The following HMGXB3 variants were observed in gnomAD, a reference collection of about 807,000 sequenced individuals.
HMGXB3 encodes HMG domain-containing protein 3.
Under a neutral mutation model 121.5 loss-of-function variants are expected in HMGXB3, and 45 were observed. That is an observed-to-expected ratio of 0.37 (90% CI 0.29 to 0.47). HMGXB3 has a LOEUF of 0.47. HMGXB3 is among the 20% of genes least tolerant of loss of function. HMGXB3 has a pLI of 0.99. For missense variants in HMGXB3, 1,376 were observed against 1,602.2 expected (o/e 0.86, Z 2.41); for synonymous variants, 590 against 624.1 (o/e 0.95, Z 0.81).
At chr5:150,050,574 C>T in intron 19 of HMGXB3, 113 bp downstream of exon 19, 1 of 761,174 alleles carries the variant, frequency 1.3e-6, no homozygotes, top group Non-Finnish European at 2.1e-6. Flanking sequence ...CTCTGCCTCC[C>T]AGGTTCAAGC....
At chr5:150,011,603 GGT>G in intron 4 of HMGXB3, among the ~76,000 whole-genome samples, 1 of 143,208 alleles carries the variant, frequency 7.0e-6, no homozygotes, top group African/African-American at 2.8e-5. Context: ...GTTTTTTTTT[GGT>G]TTTTTTTTTT....
intron 4 of HMGXB3, among the ~76,000 whole-genome samples, chr5:150,011,899 G>T (rs562632083): frequency 6.6e-6 from 1 of 152,008 alleles, no homozygotes; most frequent in Non-Finnish European, 1.5e-5. Flanking sequence ...GGCGTGAGCC[G>T]CCGTGCCCGG....
intron 1 of HMGXB3, among the ~76,000 whole-genome samples, chr5:150,004,591 G>T (rs144675179): frequency 6.6e-6 from 1 of 152,140 alleles, no homozygotes; most frequent in African/African-American, 2.4e-5. Flanking sequence ...AAACTTGCCC[G>T]GTCTGAGGAA....
intron 5 of HMGXB3, among the ~76,000 whole-genome samples, chr5:150,013,723 A>T (rs566250380): frequency 6.6e-6 from 1 of 152,314 alleles, no homozygotes; most frequent in East Asian, 1.9e-4. Flanking sequence ...TCTTTGAGTG[A>T]GCATTTGGTA....
Position 150,018,687 on chromosome 5 carries a change from G to T in HMGXB3, c.1031G>T (p.Trp344Leu). Residue 344 changes from tryptophan to leucine, a missense_variant, in exon 6 of 20, where the codon TGG becomes TTG. By Grantham distance (61) the Trp-to-Leu change is moderately conservative. Around this residue, in one of 2 missense-constraint regions of HMGXB3, gnomAD observed 1,116 missense variants for 1,369.0 expected, o/e 0.82. Coordinates refer to ENST00000502717, the MANE Select transcript of HMGXB3 (RefSeq NM_014983.3). ...PTCGNFLGGKWIPKEKPAKVK... is the reference protein window; with the variant it reads ...PTCGNFLGGKLIPKEKPAKVK... ...TGTGGTAACTTCCTAGGAGGGAAGT[G>T]GATCCCAAAGGTAAGGTCCATTGGC... 6.5e-7 allele frequency: 1 copy of T among 1,550,038 alleles called. No individual in the cohort carries two copies. Among genetic ancestry groups the T allele is most frequent in the South Asian group, 1.2e-5 (1 of 83,630 alleles).
At chr5:150,039,026 A>G (rs985507804) in intron 13 of HMGXB3, among the ~76,000 whole-genome samples, 2 of 152,228 alleles carry the variant, frequency 1.3e-5, no homozygotes, top group Admixed American at 1.3e-4. Flanking sequence ...TGCATTACCA[A>G]AGTGGCTGTA....
At position 150,051,764 on chromosome 5, in the gene HMGXB3, G is replaced by T; in HGVS notation, c.3451G>T (p.Val1151Leu). Residue 1151 changes from valine (V) to leucine (L), a missense_variant, in exon 20 of 20, where the codon GTG becomes TTG. Transcript: ENST00000502717. ...AGAGCTCTTGGACCAGCATTATACT[G>T]TGGACATGACAGAAACTGAGCACTC... ...CPELLDQHYT[V>L]DMTETEHSIQ... 1 of 1,542,110 alleles carries T rather than the reference G, an allele frequency of 6.5e-7. No homozygotes were observed.
At chr5:150,029,801 A>G (rs978512742) in intron 9 of HMGXB3, among the ~76,000 whole-genome samples, 5 of 152,232 alleles carry the variant, frequency 3.3e-5, no homozygotes, top group East Asian at 1.9e-4. Context: ...AGGAATATCA[A>G]CTGGCTTTTA....
At chr5:150,012,402 T>A in intron 5 of HMGXB3, 49 bp downstream of exon 5, 4 of 1,237,912 alleles carry the variant, frequency 3.2e-6, no homozygotes, top group Non-Finnish European at 3.5e-6. Context: ...GTCATAAGCA[T>A]TTTTTTTCTA....
In HMGXB3 at chr5:150,052,075, C is replaced by T. The variant is rs538539100; in HGVS notation, c.3762C>T (p.Ser1254=). The T allele has an allele frequency of 6.4e-7, 1 of 1,551,924 alleles. No individual in the cohort carries two copies. Among genetic ancestry groups the T allele is most frequent in the South Asian group, 1.2e-5 (1 of 84,064 alleles). Residue 1254 remains serine, a synonymous_variant, in exon 20 of 20, where the codon AGC becomes AGT. Coordinates refer to ENST00000502717, the MANE Select transcript of HMGXB3 (RefSeq NM_014983.3). ...GTCAGATCCATGACATTGTACAGAG[C>T]TGCCAGCCTGGTGAGGTGGTCATTC... ...VNRQIHDIVQ[S]CQPGEVVIRD... is the part of the protein sequence containing the mutation.
chr5:150,021,848 G>A (rs1364045736), intron 6 of HMGXB3: 32 of 510,554 alleles, frequency 6.3e-5, no homozygotes, highest in South Asian at 4.1e-4. Context: ...GTTGCAGCTC[G>A]TTAGAGTGAT....
chr5:150,037,318 G>A lies in HMGXB3; in HGVS notation c.2286-82G>A, dbSNP rs937955626. On this transcript the variant is annotated intron_variant, in intron 12 of 19. Coordinates refer to ENST00000502717, the MANE Select transcript of HMGXB3 (RefSeq NM_014983.3). ...CCTAAGCTCCAGCAAATGAGAATTT[G>A]CCATTGATCACTGAGCCCTGGAACT... is the stretch of plus-strand genomic sequence containing the variant. The A allele has an allele frequency of 7.6e-6, 10 of 1,309,322 alleles. No individual in the cohort carries two copies. The African/African-American group carries it at 1.1e-4, about 14-fold the overall frequency. 81.1% of individuals were successfully genotyped at this position (1,309,322 alleles called of 1,614,324 possible). A position where few individuals can be genotyped will look rare whatever the true frequency, so the allele number is the denominator to read the frequency against.
chr5:150,026,641 G>C, intron 7 of HMGXB3, 65 bp from the exon 8 acceptor site: 1 of 1,363,898 alleles, frequency 7.3e-7, no homozygotes, highest in Non-Finnish European at 1.0e-6. Flanking sequence ...ACTATGTAGA[G>C]ATTGCGCTTT....
At chr5:150,033,128 C>T (rs1289021255) in intron 11 of HMGXB3, among the ~76,000 whole-genome samples, 1 of 152,190 alleles carries the variant, frequency 6.6e-6, no homozygotes, top group East Asian at 1.9e-4. Flanking sequence ...TTCCACTTGG[C>T]TCCTTAGGGC....
Position 150,050,928 on chromosome 5 carries a change from A to G in HMGXB3, c.3411+467A>G, listed in dbSNP as rs117202055. Among the ~76,000 whole-genome samples the G allele has an allele frequency of 2.4e-4, 37 of 152,328 alleles. No individual in the cohort carries two copies. The East Asian group carries it at 7.1e-3, about 29-fold the overall frequency. ...GCCACCTTTGAGAGTTATTGTGCAC[A>G]CTGACATATTAAAGGCCCCAGCCAG... On this transcript the variant is annotated intron_variant, in intron 19 of 19. Transcript: ENST00000502717.
chr5:150,052,507 G>C lies in HMGXB3; in HGVS notation c.*315G>C, dbSNP rs868416397. 2.2e-5 allele frequency: 7 copies of C among 319,270 alleles called. No individual in the cohort carries two copies. The highest frequency in any genetic ancestry group is 8.3e-5 in the African/African-American group (4 of 48,132). The allele number at this position is 319,270 out of a possible 1,614,324, so 19.8% of individuals were successfully genotyped here. On this transcript the variant is annotated 3_prime_UTR_variant, in exon 20 of 20. Transcript: ENST00000502717. ...TGGTGGGTTCCGTGGGGCCTGCGGT[G>C]TGGGTCAGGGTGGAGGTCCTGGGTG...
chr5:150,027,250 G>T, intron 9 of HMGXB3, 133 bp downstream of exon 9: 1 of 575,450 alleles, frequency 1.7e-6, no homozygotes, highest in Non-Finnish European at 2.9e-6. Context: ...TAACATGAAT[G>T]ATTTATCTGT....
chr5:150,046,806 C>G (rs577408508), intron 16 of HMGXB3, among the ~76,000 whole-genome samples: 2 of 151,726 alleles, frequency 1.3e-5, no homozygotes, highest in East Asian at 3.9e-4. Flanking sequence ...AGCGAGACTC[C>G]GTCTCAAAAT....
At position 150,024,629 on chromosome 5, in the gene HMGXB3, C is replaced by G. The variant is rs564770421; in HGVS notation, c.1409C>G (p.Ser470Cys). 6.4e-7 allele frequency: 1 copy of G among 1,551,694 alleles called. No homozygotes were observed. Among genetic ancestry groups the G allele is most frequent in the African/African-American group, 1.4e-5 (1 of 73,172 alleles). Residue 470 changes from serine (S) to cysteine (C), a missense_variant, in exon 7 of 20, where the codon TCC (serine) becomes TGC (cysteine). Physicochemically the swap from Ser to Cys is moderately radical, Grantham distance 112. Transcript: ENST00000502717. ...DSPGADVPTP[S>C]EGTSTSSPLP... ...CCTGGAGCAGACGTACCAACACCAT[C>G]CGAGGGGACAAGTACCTCCAGTCCA... is the stretch of plus-strand genomic sequence containing the variant.
Sources: allele counts gnomAD v4.1 joint callset (sites outside exome capture counted in the v4.1 genomes callset), GRCh38; gene constraint gnomAD v4.1.1; regional missense constraint gnomAD v4.1.1; transcripts MANE v1.5; gene names NCBI Gene and HGNC (gene_info 2026-07-23, HGNC 2026-07-21).